ERBB4: variants seen among roughly 807,000 people sequenced by gnomAD.
ERBB4 encodes the protein erb-b2 receptor tyrosine kinase 4, also known as receptor tyrosine-protein kinase erbB-4.
In ERBB4, 42 loss-of-function variants were observed where a neutral mutation model predicts 158.0. The ratio of observed to expected loss-of-function variants is 0.27; its 90% confidence interval spans 0.21 to 0.34. The LOEUF is 0.34. Among genes scored for constraint, ERBB4 ranks in the 10% least tolerant of loss-of-function variants. The pLI, the probability that ERBB4 is intolerant of heterozygous loss-of-function variation, is 1.00. For synonymous variants in ERBB4, 583 were observed against 558.7 expected (o/e 1.04, Z -0.61); for missense variants, 1,333 against 1,624.1 (o/e 0.82, Z 3.08).
chr2:211,673,266 A>G lies in ERBB4; in HGVS notation c.1623-9T>C. On this transcript the variant is annotated splice_polypyrimidine_tract_variant and intron_variant, in intron 13 of 27. Coordinates refer to ENST00000342788, the MANE Select transcript of ERBB4 (RefSeq NM_005235.3). ...CAAACTCCCGAAATTCACTGTGAAA[A>G]CATCAGCCACATGAGGAGGTGTAAG... The G allele has an allele frequency of 2.5e-6, 4 of 1,597,654 alleles. No homozygotes were observed. Among genetic ancestry groups the G allele is most frequent in the Non-Finnish European group, 1.7e-6 (2 of 1,165,128 alleles).
At chr2:211,435,567 G>C (rs915222140) in intron 20 of ERBB4, among the ~76,000 whole-genome samples, 2 of 152,132 alleles carry the variant, frequency 1.3e-5, no homozygotes, top group Non-Finnish European at 2.9e-5. Flanking sequence ...AGTGGCAGGC[G>C]AGCCAGCATA....
intron 1 of ERBB4, among the ~76,000 whole-genome samples, chr2:212,357,646 C>T (rs1437967805): frequency 6.6e-6 from 1 of 151,670 alleles, no homozygotes; most frequent in Non-Finnish European, 1.5e-5. Flanking sequence ...ACACAACCAA[C>T]ATTTTCCTTT....
At chr2:211,598,427 G>A (rs945850716) in intron 19 of ERBB4, among the ~76,000 whole-genome samples, 5 of 152,178 alleles carry the variant, frequency 3.3e-5, no homozygotes, top group African/African-American at 1.2e-4. Context: ...TCAGTTGATG[G>A]TGTCAACATT....
intron 1 of ERBB4, among the ~76,000 whole-genome samples, chr2:212,222,769 T>G (rs969299487): frequency 6.6e-6 from 1 of 151,568 alleles, no homozygotes; most frequent in Non-Finnish European, 1.5e-5. Flanking sequence ...TATTTCCTAA[T>G]TTTGCATATT....
chr2:212,423,780 C>T (rs1476949873), intron 1 of ERBB4, among the ~76,000 whole-genome samples: 1 of 152,120 alleles, frequency 6.6e-6, no homozygotes, highest in Non-Finnish European at 1.5e-5. Context: ...AGGTGATACA[C>T]CATGCAAACA....
At chr2:211,894,939 A>T (rs1348499777) in intron 3 of ERBB4, among the ~76,000 whole-genome samples, 1 of 152,210 alleles carries the variant, frequency 6.6e-6, no homozygotes, top group East Asian at 1.9e-4. Flanking sequence ...TAGTCAAATC[A>T]AATTAACCTC....
chr2:211,587,746 T>C (rs1363831945), intron 19 of ERBB4, among the ~76,000 whole-genome samples: 1 of 151,898 alleles, frequency 6.6e-6, no homozygotes, highest in Non-Finnish European at 1.5e-5. Context: ...AGGAAACAAA[T>C]GCTGGCGTGT....
chr2:211,883,612 C>T (rs1191316560), intron 3 of ERBB4, among the ~76,000 whole-genome samples: 1 of 151,780 alleles, frequency 6.6e-6, no homozygotes, highest in Admixed American at 6.6e-5. Context: ...TGAAAGAAAC[C>T]CTGTCTCCAC....
At chr2:211,505,959 C>CA (rs529052924) in intron 20 of ERBB4, among the ~76,000 whole-genome samples, 5,944 of 94,590 alleles carry the variant, frequency 0.063, 345 homozygotes, top group African/African-American at 0.15. Flanking sequence ...GACTCCATCT[C>CA]AAAAAAAAAA....
In ERBB4 at chr2:212,067,868, A is replaced by G. The variant is rs150825524; in HGVS notation, c.234+56884T>C. On this transcript the variant is annotated intron_variant, in intron 2 of 27. Coordinates refer to ENST00000342788, the MANE Select transcript of ERBB4 (RefSeq NM_005235.3). ...GCAAATTGTCATGCCCATTCCTAAA[A>G]TGCTAGATGATAGAATTGCTACCTA... Among the ~76,000 whole-genome samples, 407 of 152,146 alleles carry G rather than the reference A, an allele frequency of 2.7e-3. 2 individuals carry two copies. The highest frequency in any genetic ancestry group is 4.5e-3 in the Non-Finnish European group (303 of 67,954).
At chr2:211,981,571 G>GA (rs2081797281) in intron 2 of ERBB4, among the ~76,000 whole-genome samples, 1 of 152,226 alleles carries the variant, frequency 6.6e-6, no homozygotes, top group Admixed American at 6.5e-5. Context: ...TCATTTTCCT[G>GA]AAATGCATCA....
chr2:212,426,305 C>T, intron 1 of ERBB4: 2 of 466,706 alleles, frequency 4.3e-6, no homozygotes, highest in Non-Finnish European at 8.5e-6. Context: ...CAGTTTTTGC[C>T]ATTAAAAGTA....
At chr2:211,787,716 G>T (rs1281772659) in intron 4 of ERBB4, among the ~76,000 whole-genome samples, 10 of 152,236 alleles carry the variant, frequency 6.6e-5, no homozygotes, top group African/African-American at 2.2e-4. Context: ...GCAATAGTTA[G>T]ATACCAGCCT....
rs1225135833 is a variant in ERBB4, at chr2:211,580,899, A to T, written c.2302-18811T>A. Among the ~76,000 whole-genome samples the T allele has an allele frequency of 5.4e-4, 3 of 5,584 alleles. 1 individual carries two copies. The highest frequency in any genetic ancestry group is 1.0e-3 in the Non-Finnish European group (3 of 2,880). 3.7% of individuals were successfully genotyped at this position (5,584 alleles called of 152,430 possible). A position where few individuals can be genotyped will look rare whatever the true frequency, so the allele number is the denominator to read the frequency against. ...TATATATATATATATATATATATAT[A>T]TATATATATATATATATGATGGAAT... On this transcript the variant is annotated intron_variant, in intron 19 of 27. Coordinates refer to ENST00000342788, the MANE Select transcript of ERBB4 (RefSeq NM_005235.3).
At chr2:211,792,487 A>G (rs2076297429) in intron 3 of ERBB4, among the ~76,000 whole-genome samples, 1 of 151,940 alleles carries the variant, frequency 6.6e-6, no homozygotes, top group African/African-American at 2.4e-5. Context: ...CAGACAATAC[A>G]TTTGATATTT....
intron 1 of ERBB4, among the ~76,000 whole-genome samples, chr2:212,252,090 T>G (rs183502892): frequency 5.3e-5 from 8 of 152,124 alleles, no homozygotes; most frequent in Non-Finnish European, 2.9e-5. Flanking sequence ...AGGGCAGTGA[T>G]GAGAAAAGGT....
chr2:211,618,977 C>T (rs1215251876), intron 19 of ERBB4, among the ~76,000 whole-genome samples, 200 bp downstream of exon 19: 1 of 152,006 alleles, frequency 6.6e-6, no homozygotes, highest in Non-Finnish European at 1.5e-5. Context: ...CCTATCTAGG[C>T]AGACAGTTGT....
At chr2:212,228,433 G>A (rs2083549314) in intron 1 of ERBB4, among the ~76,000 whole-genome samples, 1 of 152,122 alleles carries the variant, frequency 6.6e-6, no homozygotes, top group South Asian at 2.1e-4. Context: ...GAGTGGAGGA[G>A]ATAATTTATA....
chr2:212,281,748 T>C (rs1050894789), intron 1 of ERBB4, among the ~76,000 whole-genome samples: 4 of 151,798 alleles, frequency 2.6e-5, no homozygotes, highest in Non-Finnish European at 5.9e-5. Flanking sequence ...TATTTTTCCA[T>C]AATTTACCAA....
Sources: gnomAD v4.1 joint callset for allele counts (sites outside exome capture counted in the v4.1 genomes callset) on GRCh38, gnomAD v4.1.1 for gene constraint, MANE v1.5 for transcripts, NCBI Gene and HGNC (gene_info 2026-07-23, HGNC 2026-07-21) for gene names.